Variants in MMP28 observed in about 807,000 individuals in gnomAD.
MMP28 encodes the protein matrix metallopeptidase 28.
MMP28 carries 55 observed loss-of-function variants against 60.5 expected under a neutral mutation model. That is an observed-to-expected ratio of 0.91 (90% CI 0.73 to 1.14). MMP28 has a LOEUF of 1.14. Among genes scored for constraint, MMP28 ranks in the 50% most tolerant of loss-of-function variants. MMP28 has a pLI of 0.00. For synonymous variants in MMP28, 318 were observed against 312.5 expected (o/e 1.02, Z -0.18); for missense variants, 686 against 738.3 (o/e 0.93, Z 0.82).
intron 2 of MMP28, chr17:35,757,599 T>C (rs915678825): frequency 6.6e-6 from 1 of 152,202 alleles, no homozygotes; most frequent in Non-Finnish European, 1.5e-5. Context: ...AAGTTTGAGC[T>C]ATTATTAGTT....
chr17:35,795,406 G>T lies in MMP28; in HGVS notation c.-29C>A. The stretch of plus-strand genomic sequence containing the variant: ...GCCGCCTCCGGTGCAGCCCGGCTCG[G>T]GGAGCTACTGCGCGCAGGGAACCAG... On this transcript the variant is annotated 5_prime_UTR_variant, in exon 1 of 8. Transcript: ENST00000605424. 7.3e-7 allele frequency: 1 copy of T among 1,375,708 alleles called. No homozygotes were observed. Among genetic ancestry groups the T allele is most frequent in the South Asian group, 1.7e-5 (1 of 59,938 alleles). 85.2% of individuals were successfully genotyped at this position (1,375,708 alleles called of 1,614,324 possible).
downstream of MMP28, chr17:35,764,183 G>A (rs970129645): frequency 1.3e-6 from 2 of 1,548,278 alleles, no homozygotes; most frequent in African/African-American, 2.7e-5. Flanking sequence ...CGAAGGCCGC[G>A]AGCGGCGCTC....
downstream of MMP28, chr17:35,761,081 C>A: frequency 1.2e-5 from 11 of 926,882 alleles, no homozygotes; most frequent in African/African-American, 1.7e-5. Flanking sequence ...TGCAAGCCCT[C>A]TCCTTTCGCC....
At chr17:35,790,633 C>T (rs1046230508) in intron 1 of MMP28, among the ~76,000 whole-genome samples, 1 of 152,086 alleles carries the variant, frequency 6.6e-6, no homozygotes, top group Non-Finnish European at 1.5e-5. Flanking sequence ...CAAAAGGCCA[C>T]ATATAATATG....
At chr17:35,756,968 C>T (rs879955901) in intron 2 of MMP28, among the ~76,000 whole-genome samples, 12 of 151,670 alleles carry the variant, frequency 7.9e-5, no homozygotes, top group African/African-American at 1.9e-4. Context: ...GAAGCCAAGG[C>T]GGGCAGATCA....
rs184007426 is a variant in MMP28 at position 35,785,641 on chromosome 17, G to A, written c.112-6318C>T. 6.3e-3 allele frequency among the ~76,000 whole-genome samples: 963 copies of A among 152,194 alleles called. 5 individuals are homozygous for A. Among genetic ancestry groups the A allele is most frequent in the Non-Finnish European group, 0.011 (725 of 67,996 alleles). ...TTTTTGCATTTTTAGTAGAGATGGGGTTTCACCGTTTCAGGCAGCATGGTC... is the reference window on the plus strand; with the variant it reads ...TTTTTGCATTTTTAGTAGAGATGGGATTTCACCGTTTCAGGCAGCATGGTC... On this transcript the variant is annotated intron_variant, in intron 1 of 7. Transcript: ENST00000605424.
chr17:35,778,594 C>A, intron 3 of MMP28: 1 of 510,812 alleles, frequency 2.0e-6, no homozygotes, highest in Non-Finnish European at 3.3e-6. Context: ...AAAATGTTAG[C>A]AACAGTTTAT....
At chr17:35,782,638 C>A (rs903451365) in intron 1 of MMP28, among the ~76,000 whole-genome samples, 1 of 151,984 alleles carries the variant, frequency 6.6e-6, no homozygotes, top group African/African-American at 2.4e-5. Flanking sequence ...CTATTGTTTC[C>A]TTTTTTCCCT....
chr17:35,762,286 C>T (rs764637147), downstream of MMP28, among the ~76,000 whole-genome samples: 19 of 152,068 alleles, frequency 1.2e-4, no homozygotes, highest in Non-Finnish European at 2.6e-4. Flanking sequence ...CACCGTGCCC[C>T]GCCTAGAAAT....
rs1235047931 is a variant in MMP28, at chr17:35,769,930, TTGGGACGAATCGGCGAC to T, written c.850+120_850+136del. 16 of 1,186,424 alleles carry T rather than the reference TTGGGACGAATCGGCGAC, an allele frequency of 1.3e-5. No homozygotes were observed. The Admixed American group carries it at 5.0e-4, about 37-fold the overall frequency. The allele number at this position is 1,186,424 out of a possible 1,614,324, so 73.5% of individuals were successfully genotyped here. On this transcript the variant is annotated intron_variant, in intron 5 of 7. Transcript: ENST00000605424. ...TGAGGAGGGGCATAGGGCTTTAGAA[TTGGGACGAATCGGCGAC>T]AGGGAGGCCAGATCTATGAGCTTAG...
intron 1 of MMP28, among the ~76,000 whole-genome samples, chr17:35,787,484 G>T (rs1208844575): frequency 4.0e-5 from 6 of 151,126 alleles, no homozygotes; most frequent in African/African-American, 1.5e-4. Context: ...TCAGTTTTTT[G>T]TTTGTTTGTT....
At position 35,795,538 on chromosome 17, in the gene MMP28, T is replaced by C; in HGVS notation, c.-161A>G. The C allele has an allele frequency of 2.3e-6, 1 of 441,332 alleles. No homozygotes were observed. 27.3% of individuals were successfully genotyped at this position (441,332 alleles called of 1,614,324 possible). On this transcript the variant is annotated 5_prime_UTR_variant, in exon 1 of 8. Coordinates refer to ENST00000605424, the MANE Select transcript of MMP28 (RefSeq NM_024302.5). ...TCGCCAGTGCCCTAGCTGCGCGCTCTGGGCCGCTCCTCCGCTGCCCTTCGC... is the reference window on the plus strand; with the variant it reads ...TCGCCAGTGCCCTAGCTGCGCGCTCCGGGCCGCTCCTCCGCTGCCCTTCGC...
chr17:35,768,357 C>G lies in MMP28; in HGVS notation c.873G>C (p.Val291=), dbSNP rs371731289. ...ACAGCTTTCCTGGGAGCTGGACGGC[C>G]ACTGAGCCCCCTAGGGGCTTCCCTT... ...SLYGKPLGGS[V]AVQLPGKLFT... Residue 291 remains valine, a synonymous_variant, in exon 6 of 8, where the codon GTG becomes GTC. Transcript: ENST00000605424. 3 of 1,611,014 alleles carry G rather than the reference C, an allele frequency of 1.9e-6. No individual in the cohort carries two copies. Among genetic ancestry groups the G allele is most frequent in the Non-Finnish European group, 2.5e-6 (3 of 1,178,762 alleles).
chr17:35,766,727 G>A lies in MMP28; in HGVS notation c.1336C>T (p.Leu446=). The A allele has an allele frequency of 1.3e-6, 2 of 1,595,654 alleles. No individual in the cohort carries two copies. Among genetic ancestry groups the A allele is most frequent in the Non-Finnish European group, 1.7e-6 (2 of 1,171,842 alleles). The change falls in exon 8 of 8, where the codon CTG becomes TTG. Residue 446 remains leucine, a synonymous_variant. Coordinates refer to ENST00000605424, the MANE Select transcript of MMP28 (RefSeq NM_024302.5). The surrounding 1 kb of genome is among the most constrained non-coding windows in gnomAD (Gnocchi z 4.3). ...ARYYVLARGG[L]QVEPYYPRSL... ...CGGGGGTAGTAGGGCTCCACTTGCA[G>A]TCCCCCTCGGGCCAGCACGTAGTAG...
intron 1 of MMP28, among the ~76,000 whole-genome samples, chr17:35,789,218 CAG>C (rs1311258951): frequency 2.0e-5 from 3 of 152,118 alleles, no homozygotes; most frequent in Non-Finnish European, 4.4e-5. Context: ...GACATGGACA[CAG>C]AGGAAGATGA....
intron 1 of MMP28, among the ~76,000 whole-genome samples, chr17:35,783,379 G>C (rs2086561601): frequency 6.6e-6 from 1 of 152,220 alleles, no homozygotes; most frequent in South Asian, 2.1e-4. Flanking sequence ...CTTTGAACAT[G>C]GCAGTTACAC....
In MMP28 at chr17:35,781,905, G is replaced by A. The variant is rs1286257115; in HGVS notation, c.112-2582C>T. Among the ~76,000 whole-genome samples, 6 of 151,708 alleles carry A rather than the reference G, an allele frequency of 4.0e-5. No individual in the cohort carries two copies. In the East Asian group the frequency reaches 1.2e-3, roughly 29 times the overall value. On this transcript the variant is annotated intron_variant, in intron 1 of 7. Coordinates refer to ENST00000605424, the MANE Select transcript of MMP28 (RefSeq NM_024302.5). ...GATGGGGGTCTCACTATGTTGCCCT[G>A]GCTGGAGTGCAGTGGCTATTCACTG... is the stretch of plus-strand genomic sequence containing the variant.
Position 35,778,868 on chromosome 17 carries a change from C to G in MMP28, c.379+20G>C. On this transcript the variant is annotated intron_variant, in intron 3 of 7. Transcript: ENST00000605424. ...AGACATTGGGAAATCTTGGCCTAGCCGGATTTTAACAGTGCTCACCTTGCT... is the reference window on the plus strand; with the variant it reads ...AGACATTGGGAAATCTTGGCCTAGCGGGATTTTAACAGTGCTCACCTTGCT... The G allele has an allele frequency of 6.2e-7, 1 of 1,614,024 alleles. No homozygotes were observed. The highest frequency in any genetic ancestry group is 8.5e-7 in the Non-Finnish European group (1 of 1,179,890).
rs767563445 is a variant in MMP28, at chr17:35,773,242, A to T, written c.542T>A (p.Ile181Asn). The T allele has an allele frequency of 1.9e-6, 3 of 1,614,050 alleles. No homozygotes were observed. In the Admixed American group the frequency reaches 5.0e-5, roughly 27 times the overall value. Residue 181 changes from isoleucine to asparagine, a missense_variant, in exon 4 of 8, where the codon ATC (isoleucine) becomes AAC (asparagine). By Grantham distance (149) the Ile-to-Asn change is moderately radical. Transcript: ENST00000605424. The stretch of plus-strand genomic sequence containing the variant: ...GTCCCCTTGGAAGAAGGTGAGCCGG[A>T]TGTCAGCGGGGCCTGTGGCTGGGGC... ...WEAPATGPADIRLTFFQGDHN... is the reference protein window; with the variant it reads ...WEAPATGPADNRLTFFQGDHN...
Sources: gnomAD v4.1 joint callset for allele counts (sites outside exome capture counted in the v4.1 genomes callset) on GRCh38, gnomAD v4.1.1 for gene constraint, Gnocchi (gnomAD v3.1) non-coding constraint, MANE v1.5 for transcripts, NCBI Gene and HGNC (gene_info 2026-07-23, HGNC 2026-07-21) for gene names.